TGFBRAP1: variants seen among roughly 807,000 people sequenced by gnomAD.
TGFBRAP1 encodes the protein transforming growth factor beta receptor associated protein 1, also known as transforming growth factor-beta receptor-associated protein 1.
Under a neutral mutation model 83.2 loss-of-function variants are expected in TGFBRAP1, and 20 were observed. The ratio of observed to expected loss-of-function variants is 0.24; its 90% CI spans 0.17 to 0.35. The LOEUF (loss-of-function observed/expected upper bound fraction) is 0.35, where lower values mean the gene tolerates loss of function less well. Among genes scored for constraint, TGFBRAP1 ranks in the 10% least tolerant of loss-of-function variants. TGFBRAP1 has a pLI of 1.00. For missense variants in TGFBRAP1, 950 were observed against 1,099.4 expected (o/e 0.86, Z 1.92); for synonymous variants, 415 against 459.8 (o/e 0.90, Z 1.25).
chr2:105,300,838 G>A (rs1678263851), intron 2 of TGFBRAP1, among the ~76,000 whole-genome samples: 1 of 152,164 alleles, frequency 6.6e-6, no homozygotes, highest in Non-Finnish European at 1.5e-5. Context: ...CAATACATTA[G>A]GAAATTTAGT....
At chr2:105,287,941 C>T (rs1230704406) in intron 4 of TGFBRAP1, among the ~76,000 whole-genome samples, 3 of 152,108 alleles carry the variant, frequency 2.0e-5, no homozygotes, top group South Asian at 2.1e-4. Flanking sequence ...GACACCTTCA[C>T]GTGACAAAAG....
chr2:105,314,648 T>A (rs1247265642), intron 1 of TGFBRAP1, among the ~76,000 whole-genome samples: 1 of 151,814 alleles, frequency 6.6e-6, no homozygotes, highest in Non-Finnish European at 1.5e-5. Flanking sequence ...ACAAGAATAG[T>A]GATGAAGAAT....
At chr2:105,326,974 AT>A (rs972664922) in intron 1 of TGFBRAP1, among the ~76,000 whole-genome samples, 1 of 152,106 alleles carries the variant, frequency 6.6e-6, no homozygotes, top group Non-Finnish European at 1.5e-5. Context: ...GTAGGTATTT[AT>A]TTTTTTAAAT....
At chr2:105,314,746 C>T (rs186235662) in intron 1 of TGFBRAP1, among the ~76,000 whole-genome samples, 44 of 151,548 alleles carry the variant, frequency 2.9e-4, no homozygotes, top group African/African-American at 9.7e-4. Context: ...GTCAGGAGTT[C>T]GAGACCAGTC....
At chr2:105,298,250 A>T (rs545408818) in intron 3 of TGFBRAP1, among the ~76,000 whole-genome samples, 1 of 152,256 alleles carries the variant, frequency 6.6e-6, no homozygotes, top group East Asian at 1.9e-4. Flanking sequence ...GCCCTCCCTG[A>T]TATCTCTAGG....
Position 105,273,031 on chromosome 2 carries a change from G to A in TGFBRAP1, c.1813-17C>T. ...CTCTTCTTTCTGCAGGAAACAGGGG[G>A]AGCCAAGCAGACAGACAGTGTTTTC... is the stretch of plus-strand genomic sequence containing the variant. On this transcript the variant is annotated splice_polypyrimidine_tract_variant and intron_variant, in intron 9 of 11. Transcript: ENST00000393359. The A allele has an allele frequency of 1.2e-6, 2 of 1,605,490 alleles. 1 individual carries two copies. Among genetic ancestry groups the A allele is most frequent in the Admixed American group, 3.5e-5 (2 of 57,916 alleles).
At chr2:105,298,923 CT>C (rs1678185841) in intron 2 of TGFBRAP1, among the ~76,000 whole-genome samples, 1 of 152,150 alleles carries the variant, frequency 6.6e-6, no homozygotes, top group African/African-American at 2.4e-5. Flanking sequence ...GAATGTATAT[CT>C]GATATTTACT....
chr2:105,250,856 G>A, the TGFBRAP1 span, among the ~76,000 whole-genome samples: 7 of 152,346 alleles, frequency 4.6e-5, no homozygotes, highest in South Asian at 4.1e-4. Context: ...GGGTTTCGCC[G>A]TGTTGGCCGG....
rs571821284 is a variant in TGFBRAP1, at chr2:105,293,776, G to T, written c.1038+2580C>A. On this transcript the variant is annotated intron_variant, in intron 4 of 11. Transcript: ENST00000393359. ...TGCCAATCCATTATATCACAGCTCT[G>T]CTGGAAGGCCAGTTGGAAGCTCTGA... Among the ~76,000 whole-genome samples, 22 of 152,218 alleles carry T rather than the reference G, an allele frequency of 1.4e-4. No individual in the cohort carries two copies. In the East Asian group the frequency reaches 3.9e-3, roughly 27 times the overall value.
intron 4 of TGFBRAP1, among the ~76,000 whole-genome samples, chr2:105,291,911 A>G (rs1677930145): frequency 6.6e-6 from 1 of 152,254 alleles, no homozygotes; most frequent in African/African-American, 2.4e-5. Flanking sequence ...AGTCACTACA[A>G]GGGAAAGAAA....
chr2:105,270,477 A>C (rs191826079), intron 10 of TGFBRAP1, among the ~76,000 whole-genome samples: 1 of 152,346 alleles, frequency 6.6e-6, no homozygotes, highest in Non-Finnish European at 1.5e-5. Context: ...TTAAACTCTG[A>C]GTCTCTAAGG....
chr2:105,315,953 T>TC lies in TGFBRAP1; in HGVS notation c.-17-7636dup, dbSNP rs1383944373. 9.8e-5 allele frequency among the ~76,000 whole-genome samples: 15 copies of TC among 152,310 alleles called. No homozygotes were observed. In the South Asian group the frequency reaches 3.1e-3, roughly 32 times the overall value. ...CCAAAAAAAGGGAACGGCTCAGTTT[T>TC]CCCCACTTACCCCCATTTAATTGTG... is the stretch of plus-strand genomic sequence containing the variant. On this transcript the variant is annotated intron_variant, in intron 1 of 11. Transcript: ENST00000393359.
chr2:105,249,630 C>G, the TGFBRAP1 span: 2 of 152,076 alleles, frequency 1.3e-5, no homozygotes, highest in Non-Finnish European at 2.9e-5. Flanking sequence ...TCTGGAGCCA[C>G]AAGGAGATGA....
chr2:105,305,185 G>T (rs1348027029), intron 2 of TGFBRAP1, among the ~76,000 whole-genome samples: 1 of 152,080 alleles, frequency 6.6e-6, no homozygotes, highest in African/African-American at 2.4e-5. Flanking sequence ...ACCTAAAACT[G>T]CTCTAAAAAA....
At chr2:105,300,454 TC>T (rs372418669) in intron 2 of TGFBRAP1, among the ~76,000 whole-genome samples, 26,747 of 126,644 alleles carry the variant, frequency 0.21, 4,249 homozygotes, top group East Asian at 0.5. Flanking sequence ...TTTTTTTTTT[TC>T]CGAGACAGTC....
At position 105,267,136 on chromosome 2, in the gene TGFBRAP1, G is replaced by T. The variant is rs1676967159; in HGVS notation, c.*247C>A. ...TATGTACCTGGACAGGTGAACTCTT[G>T]TATGTTTCTGTTTTGGGGATTTTTA... is the stretch of plus-strand genomic sequence containing the variant. On this transcript the variant is annotated 3_prime_UTR_variant, in exon 12 of 12. Transcript: ENST00000393359. The T allele has an allele frequency of 4.1e-6, 2 of 489,628 alleles. No homozygotes were observed. The highest frequency in any genetic ancestry group is 2.0e-5 in the African/African-American group (1 of 50,828). The allele number at this position is 489,628 out of a possible 1,614,324, so 30.3% of individuals were successfully genotyped here. A position where few individuals can be genotyped will look rare whatever the true frequency, so the allele number is the denominator to read the frequency against.
At chr2:105,258,768 C>T in the TGFBRAP1 span, among the ~76,000 whole-genome samples, 2 of 150,088 alleles carry the variant, frequency 1.3e-5, no homozygotes, top group African/African-American at 4.9e-5. Context: ...CACACACACA[C>T]ACACACTGTC....
intron 1 of TGFBRAP1, among the ~76,000 whole-genome samples, chr2:105,314,543 C>T (rs1678791768): frequency 6.6e-6 from 1 of 151,926 alleles, no homozygotes; most frequent in Non-Finnish European, 1.5e-5. Context: ...AGCCACCGCG[C>T]CCAGCCACCT....
chr2:105,296,605 T>C (rs1312399633), intron 3 of TGFBRAP1, 95 bp from the exon 4 acceptor site: 34 of 1,345,224 alleles, frequency 2.5e-5, no homozygotes, highest in Non-Finnish European at 3.4e-5. Flanking sequence ...ACCTGATTTG[T>C]TCAACAACTT....
Sources: allele counts gnomAD v4.1 joint callset (sites outside exome capture counted in the v4.1 genomes callset), GRCh38; gene constraint gnomAD v4.1.1; transcripts MANE v1.5; gene names NCBI Gene and HGNC (gene_info 2026-07-23, HGNC 2026-07-21).